Variants in LAMA2 observed in about 807,000 individuals in gnomAD.
LAMA2 encodes the protein laminin subunit alpha 2.
A neutral mutation model predicts 364.8 loss-of-function variants in LAMA2; 269 were observed. That is an observed-to-expected ratio of 0.74 (90% CI 0.67 to 0.82). LAMA2 has a LOEUF of 0.82. Among genes scored for constraint, LAMA2 ranks in the 40% least tolerant of loss-of-function variants. The pLI is 0.00. For synonymous variants in LAMA2, 1,379 were observed against 1,370.6 expected, an observed-to-expected ratio of 1.01 and a Z score of -0.14; for missense variants, 3,807 against 3,873.2, an observed-to-expected ratio of 0.98 and a Z score of 0.45.
chr6:129,421,444 C>T (rs1223029954), intron 40 of LAMA2, among the ~76,000 whole-genome samples: 2 of 151,520 alleles, frequency 1.3e-5, no homozygotes, highest in Non-Finnish European at 2.9e-5. Flanking sequence ...CTCAAAGAAT[C>T]TCATTTATAT....
chr6:129,451,467 C>T (rs573247914), intron 45 of LAMA2, among the ~76,000 whole-genome samples: 1 of 152,212 alleles, frequency 6.6e-6, no homozygotes, highest in South Asian at 2.1e-4. Context: ...AATGTCCAGC[C>T]CCAGGCCACC....
intron 1 of LAMA2, 26 bp from the exon 2 acceptor site, chr6:129,049,892 C>A (rs774099697): frequency 1.2e-6 from 2 of 1,605,768 alleles, no homozygotes; most frequent in Non-Finnish European, 1.7e-6. Context: ...CTGGTCTACA[C>A]ACCTTCATTT....
intron 1 of LAMA2, among the ~76,000 whole-genome samples, chr6:128,961,316 ATGATATATATATATATATATAT>A (rs1203533662): frequency 1.5e-5 from 1 of 66,806 alleles, no homozygotes; most frequent in South Asian, 6.2e-4. Flanking sequence ...CAGAACTAAT[ATGATATATATATATATATATAT>A]ATATATATAT....
chr6:129,025,048 A>G (rs1366127001), intron 1 of LAMA2, among the ~76,000 whole-genome samples: 1 of 152,220 alleles, frequency 6.6e-6, no homozygotes, highest in Non-Finnish European at 1.5e-5. Flanking sequence ...TTTGGGTTTC[A>G]TTATGTGTAG....
rs533125559 is a variant in LAMA2, at chr6:129,252,162, C to T, written c.1963C>T (p.Leu655Phe). 15 of 1,613,368 alleles carry T rather than the reference C, an allele frequency of 9.3e-6. No homozygotes were observed. In the South Asian group the frequency reaches 1.2e-4, roughly 13 times the overall value. The change falls in exon 14 of 65, where the codon CTT (leucine) becomes TTT (phenylalanine). Residue 655 changes from leucine (L) to phenylalanine (F), a missense_variant. Coordinates refer to ENST00000421865, the MANE Select transcript of LAMA2 (RefSeq NM_000426.4). ...PSEEHTNVLL[L>F]KEESFTIHGT... The stretch of plus-strand genomic sequence containing the variant: ...TGAAGAACATACTAATGTATTGTTA[C>T]TTAAAGAAGAATCATTTACCATACA...
intron 1 of LAMA2, among the ~76,000 whole-genome samples, chr6:128,898,131 A>G (rs1299322984): frequency 1.3e-5 from 2 of 152,210 alleles, no homozygotes; most frequent in East Asian, 1.9e-4. Flanking sequence ...AGACTTTACA[A>G]TCAGTGGTGT....
At chr6:129,005,010 G>T (rs1784357117) in intron 1 of LAMA2, among the ~76,000 whole-genome samples, 1 of 151,936 alleles carries the variant, frequency 6.6e-6, no homozygotes, top group African/African-American at 2.4e-5. Context: ...TAACACATCT[G>T]CTGAGTTTTC....
At chr6:129,248,877 A>G (rs1463158626) in intron 12 of LAMA2, among the ~76,000 whole-genome samples, 3 of 152,202 alleles carry the variant, frequency 2.0e-5, no homozygotes, top group African/African-American at 7.2e-5. Context: ...ACTCACAATA[A>G]TGCCAAGTGC....
At chr6:129,255,033 T>A (rs1200056519) in intron 14 of LAMA2, among the ~76,000 whole-genome samples, 2 of 146,548 alleles carry the variant, frequency 1.4e-5, no homozygotes, top group East Asian at 3.9e-4. Context: ...GTAGAAATGA[T>A]GTATTTTTTT....
Position 129,101,411 on chromosome 6 carries a change from G to A in LAMA2, c.639+2996G>A, listed in dbSNP as rs148991258. ...CTAGGTTTGCAGTTATTTTCTTTTG[G>A]CACATTTTATTGTTTTCTGATTTCC... On this transcript the variant is annotated intron_variant, in intron 4 of 64. Transcript: ENST00000421865. Among the ~76,000 whole-genome samples, 489 of 152,150 alleles carry A rather than the reference G, an allele frequency of 3.2e-3. 1 individual carries two copies. The highest frequency in any genetic ancestry group is 0.011 in the African/African-American group (467 of 41,534).
At chr6:129,299,620 A>G (rs1773421955) in intron 21 of LAMA2, among the ~76,000 whole-genome samples, 1 of 152,160 alleles carries the variant, frequency 6.6e-6, no homozygotes, top group African/African-American at 2.4e-5. Flanking sequence ...ACATAATGGT[A>G]ACTATTTTTC....
chr6:129,321,411 A>G (rs1394577989), intron 28 of LAMA2, among the ~76,000 whole-genome samples: 2 of 152,186 alleles, frequency 1.3e-5, no homozygotes, highest in Non-Finnish European at 2.9e-5. Flanking sequence ...GTAAACACCA[A>G]GTCCCTGAGT....
At chr6:129,036,872 T>A (rs546853395) in intron 1 of LAMA2, among the ~76,000 whole-genome samples, 2 of 152,324 alleles carry the variant, frequency 1.3e-5, no homozygotes, top group African/African-American at 4.8e-5. Context: ...CAGCTATGGT[T>A]CAAATTGGGC....
At position 129,418,982 on chromosome 6, in the gene LAMA2, C is replaced by T. The variant is rs934732641; in HGVS notation, c.5866-8770C>T. 1.6e-4 allele frequency among the ~76,000 whole-genome samples: 24 copies of T among 152,124 alleles called. 1 individual carries two copies. Among genetic ancestry groups the T allele is most frequent in the South Asian group, 2.1e-4 (1 of 4,820 alleles). On this transcript the variant is annotated intron_variant, in intron 40 of 64. Coordinates refer to ENST00000421865, the MANE Select transcript of LAMA2 (RefSeq NM_000426.4). ...AGGTATTTAAAAATATGCACTACCT[C>T]ACATACTGGTCATTTTTCTGTGTTG...
At chr6:129,075,526 G>A (rs985312482) in intron 3 of LAMA2, among the ~76,000 whole-genome samples, 1 of 152,204 alleles carries the variant, frequency 6.6e-6, no homozygotes, top group African/African-American at 2.4e-5. Flanking sequence ...CTAGGTGGCA[G>A]TCAGGAAACC....
intron 4 of LAMA2, among the ~76,000 whole-genome samples, chr6:129,112,564 A>AT (rs1185186183): frequency 1.3e-5 from 2 of 151,940 alleles, no homozygotes; most frequent in Non-Finnish European, 2.9e-5. Context: ...ACATTTAGCT[A>AT]TTTTTTTCAA....
Position 129,402,416 on chromosome 6 carries a change from G to C in LAMA2, c.5655G>C (p.Lys1885Asn), listed in dbSNP as rs368325295. 2.5e-6 allele frequency: 4 copies of C among 1,613,982 alleles called. No homozygotes were observed. Among genetic ancestry groups the C allele is most frequent in the Non-Finnish European group, 3.4e-6 (4 of 1,180,002 alleles). The change falls in exon 39 of 65, where the codon AAG becomes AAC. Residue 1885 changes from lysine to asparagine, a missense_variant. Physicochemically the swap from Lys to Asn is moderately conservative, Grantham distance 94 (BLOSUM62 0). Around this residue, in one of 3 missense-constraint regions of LAMA2, gnomAD observed 3,333 missense variants for 3,345.7 expected, o/e 1.00. Transcript: ENST00000421865. ...DDLSQEIKDR[K>N]LAEKVSQAES... ...TCTCCCAAGAAATAAAGGACAGGAA[G>C]CTTGCTGAGAAGGTGTCCCAGGCTG...
Position 129,146,953 on chromosome 6 carries a change from T to C in LAMA2, c.820-6T>C, listed in dbSNP as rs1295954901. On this transcript the variant is annotated splice_polypyrimidine_tract_variant and splice_region_variant and intron_variant, in intron 5 of 64. Coordinates refer to ENST00000421865, the MANE Select transcript of LAMA2 (RefSeq NM_000426.4). ...ACAGGATTTCTCTCTGGATTGCTTT[T>C]TGCAGTATTACTACTCGGTCAAGGA... The C allele has an allele frequency of 6.3e-7, 1 of 1,586,044 alleles. No homozygotes were observed. Among genetic ancestry groups the C allele is most frequent in the Non-Finnish European group, 8.7e-7 (1 of 1,154,708 alleles).
intron 39 of LAMA2, among the ~76,000 whole-genome samples, chr6:129,403,528 G>T (rs1181313541): frequency 6.6e-6 from 1 of 152,200 alleles, no homozygotes; most frequent in African/African-American, 2.4e-5. Context: ...ATAAGGTGAA[G>T]AATTGTCTCA....
Sources: gnomAD v4.1 joint callset for allele counts (sites outside exome capture counted in the v4.1 genomes callset) on GRCh38, gnomAD v4.1.1 for gene constraint, gnomAD v4.1.1 regional missense constraint, MANE v1.5 for transcripts, NCBI Gene and HGNC (gene_info 2026-07-23, HGNC 2026-07-21) for gene names.